FILIP1: variants seen among roughly 807,000 people sequenced by gnomAD.
FILIP1 encodes the protein filamin-A-interacting protein 1.
In FILIP1, 61 loss-of-function variants were observed where a neutral mutation model predicts 102.1. The ratio of observed to expected loss-of-function variants is 0.60; its 90% CI spans 0.49 to 0.74. The LOEUF (loss-of-function observed/expected upper bound fraction) is 0.74, where lower values mean the gene tolerates loss of function less well. Ranked by LOEUF, FILIP1 falls within the 30% of genes least tolerant of loss-of-function variation. The probability of loss-of-function intolerance (pLI) is 0.00; values close to 1 mark genes in which losing one functional copy is unlikely to be tolerated. For synonymous variants in FILIP1, 491 were observed against 526.9 expected (o/e 0.93, Z 0.93); for missense variants, 1,314 against 1,441.2 (o/e 0.91, Z 1.43).
intron 1 of FILIP1, among the ~76,000 whole-genome samples, chr6:75,468,941 C>T (rs1326330046): frequency 1.3e-5 from 2 of 152,006 alleles, no homozygotes; most frequent in East Asian, 3.9e-4. Flanking sequence ...TTATATCCAA[C>T]CAAACTATCA....
rs578068184 is a variant in FILIP1, at chr6:75,444,125, C to G, written c.-6-29147G>C. On this transcript the variant is annotated intron_variant, in intron 1 of 5. Transcript: ENST00000237172. ...GTCAATCCAATTTTACATACTGATG[C>G]TTCTCTTTCAAAGGCAGCATTGATC... is the stretch of plus-strand genomic sequence containing the variant. Among the ~76,000 whole-genome samples the G allele has an allele frequency of 1.1e-4, 16 of 152,292 alleles. 1 individual carries two copies. The highest frequency in any genetic ancestry group is 3.6e-4 in the African/African-American group (15 of 41,568).
chr6:75,372,691 G>T (rs1234978571), intron 2 of FILIP1, among the ~76,000 whole-genome samples: 2 of 34,050 alleles, frequency 5.9e-5, no homozygotes, highest in Non-Finnish European at 1.1e-4. Context: ...GAAAGAGAAA[G>T]AAAGAGAAAG....
At chr6:75,471,652 G>C (rs1779334423) in intron 1 of FILIP1, among the ~76,000 whole-genome samples, 1 of 152,130 alleles carries the variant, frequency 6.6e-6, no homozygotes, top group Non-Finnish European at 1.5e-5. Flanking sequence ...ATTTGTAACA[G>C]TGAAAAATTC....
At chr6:75,295,933 G>T in exon 7 of FILIP1, 1 of 1,464,136 alleles carries the variant, frequency 6.8e-7, no homozygotes, top group Non-Finnish European at 9.0e-7. Context: ...ATTCGTAACT[G>T]GTGAATGATG....
intron 1 of FILIP1, among the ~76,000 whole-genome samples, chr6:75,449,718 TGACTGCTATGGCA>T (rs1778558497): frequency 7.6e-6 from 1 of 130,906 alleles, no homozygotes; most frequent in Non-Finnish European, 1.8e-5. Flanking sequence ...GATATTTATT[TGACTGCTATGGCA>T]AAAATCCTCA....
At chr6:75,291,886 A>G (rs533530943) in exon 7 of FILIP1, 1 of 152,336 alleles carries the variant, frequency 6.6e-6, no homozygotes, top group South Asian at 2.1e-4. Context: ...AATTTTCTGA[A>G]TATTATGTTC....
intron 2 of FILIP1, among the ~76,000 whole-genome samples, chr6:75,400,206 C>A (rs1441500817): frequency 6.6e-6 from 1 of 152,154 alleles, no homozygotes; most frequent in Non-Finnish European, 1.5e-5. Flanking sequence ...CTGAAGGTTC[C>A]ACCAAAGCCA....
intron 2 of FILIP1, among the ~76,000 whole-genome samples, chr6:75,366,579 T>C (rs561493107): frequency 4.6e-5 from 7 of 152,352 alleles, no homozygotes; most frequent in African/African-American, 1.7e-4. Context: ...CTTTCTTATA[T>C]ACTTGCTGTT....
chr6:75,477,209 G>A (rs1318812925), intron 1 of FILIP1, among the ~76,000 whole-genome samples: 1 of 152,126 alleles, frequency 6.6e-6, no homozygotes, highest in Non-Finnish European at 1.5e-5. Flanking sequence ...TCATTTATAT[G>A]TGGAATCTAA....
chr6:75,376,214 T>C (rs1348940814), intron 2 of FILIP1, among the ~76,000 whole-genome samples: 2 of 152,184 alleles, frequency 1.3e-5, no homozygotes, highest in African/African-American at 4.8e-5. Flanking sequence ...GAGCTAGTTT[T>C]TTGCTTATTT....
chr6:75,442,881 C>G (rs985727247), intron 1 of FILIP1, among the ~76,000 whole-genome samples: 5 of 152,234 alleles, frequency 3.3e-5, no homozygotes, highest in Non-Finnish European at 5.9e-5. Flanking sequence ...GATTTCTTAA[C>G]AACCCTGCAA....
intron 1 of FILIP1, among the ~76,000 whole-genome samples, chr6:75,441,782 G>A (rs1342306123): frequency 4.7e-5 from 7 of 149,202 alleles, no homozygotes; most frequent in African/African-American, 1.7e-4. Context: ...AGTAGGGGCA[G>A]CCGGGCAGAG....
intron 1 of FILIP1, among the ~76,000 whole-genome samples, chr6:75,433,367 TTCTAACTGGTGTGAGATGGTA>T (rs1777894463): frequency 6.6e-6 from 1 of 152,216 alleles, no homozygotes; most frequent in Non-Finnish European, 1.5e-5. Context: ...ATGATCACCA[TTCTAACTGGTGTGAGATGGTA>T]TCTCACTGTG....
rs185183665 is a variant in FILIP1, at chr6:75,473,252, A to G, written c.-7+20162T>C. Reference sequence around the variant, plus strand: ...ATAGGACTTTAAAGGGTCAAAGAGGAAGGGCTAAGGAAATGTTACAGAGTG... The same window carrying G: ...ATAGGACTTTAAAGGGTCAAAGAGGGAGGGCTAAGGAAATGTTACAGAGTG... On this transcript the variant is annotated intron_variant, in intron 1 of 5. Coordinates refer to ENST00000237172, the MANE Select transcript of FILIP1 (RefSeq NM_015687.5). Among the ~76,000 whole-genome samples, 43 of 152,276 alleles carry G rather than the reference A, an allele frequency of 2.8e-4. No homozygotes were observed. The East Asian group carries it at 8.1e-3, about 29-fold the overall frequency.
intron 4 of FILIP1, among the ~76,000 whole-genome samples, chr6:75,323,816 G>A (rs186507993): frequency 1.7e-3 from 260 of 150,346 alleles, no homozygotes; most frequent in Non-Finnish European, 2.3e-3. Flanking sequence ...CCTGTTGGTA[G>A]GTGATTGGAT....
chr6:75,389,574 T>A (rs765572812), intron 2 of FILIP1, among the ~76,000 whole-genome samples: 75 of 152,170 alleles, frequency 4.9e-4, no homozygotes, highest in Non-Finnish European at 8.8e-4. Context: ...TATTCAGGGA[T>A]TCGACTTCTT....
intron 5 of FILIP1, among the ~76,000 whole-genome samples, chr6:75,311,500 T>C (rs187448731): frequency 9.7e-4 from 147 of 152,138 alleles, no homozygotes; most frequent in South Asian, 6.2e-3. Context: ...TGTTTGTTTG[T>C]TTGCTTGTTT....
intron 1 of FILIP1, among the ~76,000 whole-genome samples, chr6:75,425,652 C>T (rs1237545351): frequency 2.0e-5 from 3 of 152,092 alleles, no homozygotes; most frequent in Non-Finnish European, 4.4e-5. Flanking sequence ...GCATCCCTAA[C>T]CCCACACATG....
intron 1 of FILIP1, among the ~76,000 whole-genome samples, chr6:75,434,236 G>A (rs1260711888): frequency 1.3e-5 from 2 of 152,192 alleles, no homozygotes; most frequent in Non-Finnish European, 2.9e-5. Context: ...ACAGTCATTG[G>A]TAGCTTGATG....
Sources: gnomAD v4.1 joint callset for allele counts (sites outside exome capture counted in the v4.1 genomes callset) on GRCh38, gnomAD v4.1.1 for gene constraint, MANE v1.5 for transcripts, NCBI Gene and HGNC (gene_info 2026-07-23, HGNC 2026-07-21) for gene names.